TMEM248: variants seen among roughly 807,000 people sequenced by gnomAD.
TMEM248 encodes transmembrane protein 248.
TMEM248 carries 9 observed loss-of-function variants against 30.3 expected under a neutral mutation model. The observed-to-expected ratio is 0.30, with a 90% CI of 0.18 to 0.52. The LOEUF (loss-of-function observed/expected upper bound fraction) is 0.52. Ranked by LOEUF, TMEM248 falls within the 20% of genes least tolerant of loss-of-function variation. TMEM248 has a pLI of 0.97. For synonymous variants in TMEM248, 184 were observed against 154.4 expected (o/e 1.19, Z -1.42); for missense variants, 338 against 403.3 (o/e 0.84, Z 1.39).
At chr7:66,933,585 A>G (rs1791722902) in intron 1 of TMEM248, among the ~76,000 whole-genome samples, 2 of 152,240 alleles carry the variant, frequency 1.3e-5, no homozygotes, top group Admixed American at 1.3e-4. Flanking sequence ...CAGAAAGTTT[A>G]TAACACAGCT....
At chr7:66,941,509 C>T (rs1791953240) in intron 1 of TMEM248, among the ~76,000 whole-genome samples, 2 of 151,416 alleles carry the variant, frequency 1.3e-5, no homozygotes, top group Admixed American at 1.3e-4. Context: ...GAGCTATGAT[C>T]ACGCCACTGC....
At position 66,951,029 on chromosome 7, in the gene TMEM248, C is replaced by G; in HGVS notation, c.674C>G (p.Ala225Gly). 1.2e-6 allele frequency: 2 copies of G among 1,612,908 alleles called. No individual in the cohort carries two copies. The highest frequency in any genetic ancestry group is 1.7e-6 in the Non-Finnish European group (2 of 1,179,656). The stretch of plus-strand genomic sequence containing the variant: ...AAGATCTTCACAACTGCCAGAGATG[C>G]CAACACAAAATACGCCCAAGATTAC... Reference protein sequence around the residue: ...WYKIFTTARDANTKYAQDYNP... With the variant: ...WYKIFTTARDGNTKYAQDYNP... The change falls in exon 5 of 7, where the codon GCC (alanine) becomes GGC (glycine). Residue 225 changes from alanine to glycine, a missense_variant. Ala to Gly is a moderately conservative substitution (Grantham distance 60). Coordinates refer to ENST00000341567, the MANE Select transcript of TMEM248 (RefSeq NM_017994.5).
intron 1 of TMEM248, among the ~76,000 whole-genome samples, chr7:66,934,350 G>A (rs924995283): frequency 6.6e-6 from 1 of 152,016 alleles, no homozygotes; most frequent in African/African-American, 2.4e-5. Context: ...ACAGGCACAC[G>A]CCGCCATGCC....
intron 1 of TMEM248, among the ~76,000 whole-genome samples, chr7:66,923,847 A>T (rs561765280): frequency 1.3e-5 from 2 of 151,774 alleles, no homozygotes; most frequent in African/African-American, 4.8e-5. Flanking sequence ...TGTATTTTTA[A>T]TGGAGACAGG....
intron 2 of TMEM248, among the ~76,000 whole-genome samples, chr7:66,942,681 A>G (rs1230034636): frequency 6.6e-6 from 1 of 152,020 alleles, no homozygotes; most frequent in Non-Finnish European, 1.5e-5. Context: ...TTTTTAGTAG[A>G]GACGGGGTTT....
At position 66,924,535 on chromosome 7, in the gene TMEM248, G is replaced by C. The variant is rs551394276; in HGVS notation, c.-19+3074G>C. Reference sequence around the variant, plus strand: ...TTCTCCTGCCTCAGCCTCTTGAGTAGCTGGGATTACAGATGCCCGCCACCA... The same window carrying C: ...TTCTCCTGCCTCAGCCTCTTGAGTACCTGGGATTACAGATGCCCGCCACCA... On this transcript the variant is annotated intron_variant, in intron 1 of 6. Coordinates refer to ENST00000341567, the MANE Select transcript of TMEM248 (RefSeq NM_017994.5). Among the ~76,000 whole-genome samples, 21 of 152,270 alleles carry C rather than the reference G, an allele frequency of 1.4e-4. 1 individual carries two copies. Among genetic ancestry groups the C allele is most frequent in the African/African-American group, 5.1e-4 (21 of 41,568 alleles).
intron 2 of TMEM248, among the ~76,000 whole-genome samples, chr7:66,943,281 A>G (rs1792011258): frequency 6.6e-6 from 1 of 152,244 alleles, no homozygotes; most frequent in Non-Finnish European, 1.5e-5. Flanking sequence ...GCTTGAGTCC[A>G]TGTTGAGCAC....
chr7:66,943,095 C>T (rs2129224083), intron 2 of TMEM248, among the ~76,000 whole-genome samples: 1 of 151,900 alleles, frequency 6.6e-6, no homozygotes, highest in Non-Finnish European at 1.5e-5. Flanking sequence ...ACCATGTAAC[C>T]CTTTCAAAGA....
intron 1 of TMEM248, among the ~76,000 whole-genome samples, chr7:66,928,775 A>AT (rs34117237): frequency 4.0e-5 from 6 of 150,552 alleles, no homozygotes; most frequent in Non-Finnish European, 5.9e-5. Context: ...TCTTAAAAAA[A>AT]TTTTTTTTTT....
In TMEM248 at chr7:66,943,083, C is replaced by G. The variant is rs1206007078; in HGVS notation, c.159+1059C>G. Among the ~76,000 whole-genome samples, 4 of 151,902 alleles carry G rather than the reference C, an allele frequency of 2.6e-5. No individual in the cohort carries two copies. In the Admixed American group the frequency reaches 2.6e-4, roughly 10 times the overall value. ...TTCAAGTAACGAGTTTTAGCTATTT[C>G]TACCATGTAACCCTTTCAAAGAGTT... On this transcript the variant is annotated intron_variant, in intron 2 of 6. Coordinates refer to ENST00000341567, the MANE Select transcript of TMEM248 (RefSeq NM_017994.5).
intron 3 of TMEM248, among the ~76,000 whole-genome samples, chr7:66,946,100 A>G (rs1019278796): frequency 4.0e-5 from 6 of 149,038 alleles, no homozygotes; most frequent in East Asian, 2.0e-4. Context: ...AAAAAAAAAA[A>G]GAAGTCAGCT....
chr7:66,929,710 A>C (rs1791617959), intron 1 of TMEM248, among the ~76,000 whole-genome samples: 2 of 152,074 alleles, frequency 1.3e-5, no homozygotes, highest in Admixed American at 1.3e-4. Context: ...CTGGCATTAC[A>C]TCTGTGAGCA....
intron 6 of TMEM248, 136 bp downstream of exon 6, chr7:66,953,505 G>A (rs896933595): frequency 1.6e-6 from 2 of 1,243,724 alleles, no homozygotes; most frequent in Admixed American, 2.3e-5. Flanking sequence ...TGGTATCCGA[G>A]GAGGATTGGT....
intron 4 of TMEM248, among the ~76,000 whole-genome samples, chr7:66,950,108 C>G: frequency 6.6e-6 from 1 of 151,952 alleles, no homozygotes; most frequent in East Asian, 1.9e-4. Context: ...CACCTGTAAT[C>G]CCAGCTACTT....
intron 1 of TMEM248, among the ~76,000 whole-genome samples, chr7:66,940,398 C>T (rs140533517): frequency 0.017 from 2,653 of 152,250 alleles, 29 homozygotes; most frequent in Middle Eastern, 0.041. Context: ...GAAGTGCAAA[C>T]GTTAACACTG....
chr7:66,949,146 A>G (rs866928227), intron 4 of TMEM248, among the ~76,000 whole-genome samples: 3 of 151,546 alleles, frequency 2.0e-5, no homozygotes, highest in Admixed American at 1.3e-4. Flanking sequence ...CTATTTAAAA[A>G]AAAAAAAAAA....
At chr7:66,934,275 A>G (rs1420298297) in intron 1 of TMEM248, among the ~76,000 whole-genome samples, 1 of 152,098 alleles carries the variant, frequency 6.6e-6, no homozygotes, top group Non-Finnish European at 1.5e-5. Context: ...AAGTCAGCTC[A>G]CTGCAACCTC....
chr7:66,958,111 A>G lies in TMEM248; in HGVS notation c.*2589A>G, dbSNP rs1291746917. 6.5e-6 allele frequency: 1 copy of G among 152,678 alleles called. No individual in the cohort carries two copies. The highest frequency in any genetic ancestry group is 1.5e-5 in the Non-Finnish European group (1 of 68,066). The allele number at this position is 152,678 out of a possible 1,614,324, so 9.5% of individuals were successfully genotyped here. On this transcript the variant is annotated 3_prime_UTR_variant, in exon 7 of 7. Transcript: ENST00000341567. ...TGGACCTCAGGATTCGAAGTGTGCA[A>G]CAGACGGAGTGCGCTTGCTGTTCAG...
chr7:66,933,965 CTT>C (rs199864315), intron 1 of TMEM248, among the ~76,000 whole-genome samples: 1 of 145,562 alleles, frequency 6.9e-6, no homozygotes. Flanking sequence ...ATCTCTTTTT[CTT>C]TTTTTTTTTC....
Sources: gnomAD v4.1 joint callset for allele counts (sites outside exome capture counted in the v4.1 genomes callset) on GRCh38, gnomAD v4.1.1 for gene constraint, MANE v1.5 for transcripts, NCBI Gene and HGNC (gene_info 2026-07-23, HGNC 2026-07-21) for gene names.